The following NOB1 variants were observed in gnomAD, a reference collection of about 807,000 sequenced individuals.
NOB1 encodes the protein RNA-binding protein NOB1.
In NOB1, 44 loss-of-function variants were observed where a neutral mutation model predicts 44.8. The ratio of observed to expected loss-of-function variants is 0.98; its 90% confidence interval spans 0.77 to 1.26. NOB1 has a LOEUF of 1.26. Ranked by LOEUF, NOB1 falls within the 50% of genes most tolerant of loss-of-function variation. NOB1 has a pLI of 0.00. For missense variants in NOB1, 560 were observed against 544.8 expected (o/e 1.03, Z -0.28); for synonymous variants, 238 against 218.7 (o/e 1.09, Z -0.78).
rs1486371047 is a variant in NOB1, at chr16:69,742,172, C to T, written c.*160G>A. The T allele has an allele frequency of 3.3e-6, 3 of 896,288 alleles. No homozygotes were observed. The highest frequency in any genetic ancestry group is 3.4e-6 in the Non-Finnish European group (2 of 592,882). The allele number at this position is 896,288 out of a possible 1,614,324, so 55.5% of individuals were successfully genotyped here. A position where few individuals can be genotyped will look rare whatever the true frequency, so the allele number is the denominator to read the frequency against. On this transcript the variant is annotated 3_prime_UTR_variant, in exon 9 of 9. Coordinates refer to ENST00000268802, the MANE Select transcript of NOB1 (RefSeq NM_014062.3). ...TCACAGGCCATGGGACAGTCCAGTT[C>T]CCTGCAGACCCAGCGGGGCATGGGC...
chr16:69,754,495 T>G (rs1181861566), intron 2 of NOB1, 99 bp downstream of exon 2: 1 of 1,487,678 alleles, frequency 6.7e-7, no homozygotes, highest in Admixed American at 1.9e-5. Flanking sequence ...CTAAATCTAC[T>G]GCTCTGATAA....
intron 7 of NOB1, among the ~76,000 whole-genome samples, chr16:69,745,487 C>T (rs756174720): frequency 3.9e-5 from 6 of 152,358 alleles, no homozygotes; most frequent in Middle Eastern, 3.4e-3. Flanking sequence ...CACCTCGTCA[C>T]ACCACGAGCT....
chr16:69,754,487 A>G, intron 2 of NOB1, 107 bp downstream of exon 2: 2 of 1,452,924 alleles, frequency 1.4e-6, no homozygotes, highest in Non-Finnish European at 1.9e-6. Context: ...TGCTGGCTCT[A>G]AATCTACTGC....
At chr16:69,746,917 C>A (rs926261604) in intron 7 of NOB1, among the ~76,000 whole-genome samples, 1 of 150,470 alleles carries the variant, frequency 6.6e-6, no homozygotes, top group Non-Finnish European at 1.5e-5. Flanking sequence ...AACAAAAAAC[C>A]CCAAAAACCA....
In NOB1 at chr16:69,752,375, T is replaced by G. The variant is rs752105114; in HGVS notation, c.197-4A>C. The G allele has an allele frequency of 2.6e-5, 42 of 1,611,508 alleles. No individual in the cohort carries two copies. In the South Asian group the frequency reaches 4.6e-4, roughly 18 times the overall value. On this transcript the variant is annotated splice_polypyrimidine_tract_variant and splice_region_variant and intron_variant, in intron 2 of 8. Transcript: ENST00000268802. ...GTTTTCTTTGAAAACTCAGTCACTG[T>G]AAACAACAGATTTACATCTTCAGTT...
At chr16:69,747,986 C>T (rs548452397) in intron 7 of NOB1, among the ~76,000 whole-genome samples, 177 of 152,178 alleles carry the variant, frequency 1.2e-3, no homozygotes, top group South Asian at 3.9e-3. Context: ...GGTGAAACCC[C>T]GCCTCTACTA....
intron 8 of NOB1, among the ~76,000 whole-genome samples, chr16:69,744,317 C>T (rs1433888806): frequency 6.6e-6 from 1 of 152,160 alleles, no homozygotes; most frequent in East Asian, 1.9e-4. Context: ...GAGACCCTGT[C>T]TCAAACAACA....
intron 8 of NOB1, 34 bp from the exon 9 acceptor site, chr16:69,742,635 AGGG>A (rs749415795): frequency 6.2e-7 from 1 of 1,607,998 alleles, no homozygotes; most frequent in Admixed American, 1.7e-5. Flanking sequence ...CATTAGAAGA[AGGG>A]GAGCCACAGT....
rs1243509562 is a variant in NOB1, at chr16:69,749,320, T to C, written c.418A>G (p.Thr140Ala). The change falls in exon 5 of 9, where the codon ACA (threonine) becomes GCA (alanine). Residue 140 changes from threonine (T) to alanine (A), a missense_variant. Transcript: ENST00000268802. ...LPYKPKPPQE[T>A]EKGHSACEPE... ...TCACAAGCTGAGTGTCCTTTTTCTG[T>C]TTCTTGTGGGGGTTTAGGCTGAAAT... is the stretch of plus-strand genomic sequence containing the variant. The C allele has an allele frequency of 6.3e-7, 1 of 1,597,990 alleles. No homozygotes were observed. The highest frequency in any genetic ancestry group is 2.2e-5 in the East Asian group (1 of 44,860).
intron 3 of NOB1, among the ~76,000 whole-genome samples, chr16:69,750,396 G>A (rs527776876): frequency 1.3e-5 from 2 of 152,262 alleles, no homozygotes; most frequent in South Asian, 4.1e-4. Context: ...GGAAGGCTGA[G>A]GTAGGAGGAT....
Position 69,744,856 on chromosome 16 carries a change from G to A in NOB1, c.969+17C>T, listed in dbSNP as rs777480418. ...TCACTCTGGTGTTGGGAGGGGACTG[G>A]GAGAGGCGCCACTCACCCGGAGGCC... On this transcript the variant is annotated intron_variant, in intron 8 of 8. Transcript: ENST00000268802. 4 of 1,610,472 alleles carry A rather than the reference G, an allele frequency of 2.5e-6. No homozygotes were observed. Among genetic ancestry groups the A allele is most frequent in the South Asian group, 2.2e-5 (2 of 90,718 alleles).
intron 6 of NOB1, 115 bp downstream of exon 6, chr16:69,748,803 T>C: frequency 1.0e-6 from 1 of 991,262 alleles, no homozygotes; most frequent in Non-Finnish European, 1.4e-6. Flanking sequence ...ACAGGTGGTT[T>C]CCAGAACCAG....
chr16:69,754,118 A>G (rs552798672), intron 2 of NOB1, among the ~76,000 whole-genome samples: 10 of 152,300 alleles, frequency 6.6e-5, no homozygotes, highest in African/African-American at 2.4e-4. Context: ...TTTCTTTCAC[A>G]TTTAATACAA....
chr16:69,744,157 T>C (rs1319540414), intron 8 of NOB1, among the ~76,000 whole-genome samples: 1 of 152,078 alleles, frequency 6.6e-6, no homozygotes, highest in Non-Finnish European at 1.5e-5. Flanking sequence ...AAACCCCATC[T>C]CTACTAAAGA....
intron 7 of NOB1, among the ~76,000 whole-genome samples, chr16:69,747,747 ACCTCTGTC>A (rs913502272): frequency 1.3e-5 from 2 of 152,136 alleles, no homozygotes; most frequent in African/African-American, 4.8e-5. Context: ...GTCACTGGCA[ACCTCTGTC>A]CCCAAGTTCT....
At chr16:69,752,888 T>C (rs2038494824) in intron 2 of NOB1, among the ~76,000 whole-genome samples, 2 of 151,638 alleles carry the variant, frequency 1.3e-5, no homozygotes, top group South Asian at 2.1e-4. Context: ...TGAGTCAAGA[T>C]TGCGCCACTG....
chr16:69,749,442 C>T, intron 4 of NOB1, 104 bp from the exon 5 acceptor site: 2 of 1,539,642 alleles, frequency 1.3e-6, no homozygotes, highest in Non-Finnish European at 1.8e-6. Context: ...TCAGACAGGG[C>T]TGGACAAACT....
At position 69,749,744 on chromosome 16, in the gene NOB1, G is replaced by A. The variant is rs557269394; in HGVS notation, c.328-114C>T. ...TGTAATCCCAGCACTTTAGGAGGCC[G>A]AGGTGGGCGGATCACCCAAGGTCAG... is the stretch of plus-strand genomic sequence containing the variant. On this transcript the variant is annotated intron_variant, in intron 3 of 8. Coordinates refer to ENST00000268802, the MANE Select transcript of NOB1 (RefSeq NM_014062.3). The A allele has an allele frequency of 2.1e-3, 1,474 of 703,206 alleles. 1 individual carries two copies. The highest frequency in any genetic ancestry group is 2.9e-3 in the Non-Finnish European group (1,251 of 435,494). The allele number at this position is 703,206 out of a possible 1,614,324, so 43.6% of individuals were successfully genotyped here.
intron 7 of NOB1, among the ~76,000 whole-genome samples, chr16:69,747,222 C>CCAAA (rs2038439850): frequency 1.3e-5 from 1 of 78,604 alleles, no homozygotes; most frequent in Admixed American, 1.7e-4. Flanking sequence ...ACCCTGTCTC[C>CCAAA]AAAAAAAAAA....
Sources: gnomAD v4.1 joint callset for allele counts (sites outside exome capture counted in the v4.1 genomes callset) on GRCh38, gnomAD v4.1.1 for gene constraint, MANE v1.5 for transcripts, NCBI Gene and HGNC (gene_info 2026-07-23, HGNC 2026-07-21) for gene names.